The following SPATA6 variants were observed in gnomAD, a reference collection of about 807,000 sequenced individuals.
SPATA6 encodes the protein spermatogenesis associated 6.
SPATA6 carries 56 observed loss-of-function variants against 65.3 expected under a neutral mutation model. The ratio of observed to expected loss-of-function variants is 0.86; its 90% CI spans 0.69 to 1.07. The LOEUF is 1.07. Among genes scored for constraint, SPATA6 ranks in the 50% least tolerant of loss-of-function variants. The pLI, the probability that SPATA6 is intolerant of heterozygous loss-of-function variation, is 0.00. For missense variants in SPATA6, 590 were observed against 594.8 expected (o/e 0.99, Z 0.08); for synonymous variants, 199 against 213.2 (o/e 0.93, Z 0.58).
chr1:48,342,394 T>C (rs1646242810), intron 11 of SPATA6, among the ~76,000 whole-genome samples: 1 of 151,980 alleles, frequency 6.6e-6, no homozygotes, highest in South Asian at 2.1e-4. Context: ...GGCAGGTGGA[T>C]CACAAGGTCA....
chr1:48,454,290 A>AT (rs1395771287), intron 1 of SPATA6, among the ~76,000 whole-genome samples: 1 of 152,102 alleles, frequency 6.6e-6, no homozygotes, highest in Non-Finnish European at 1.5e-5. Context: ...CATTCAAAGT[A>AT]TATTTTTTAT....
chr1:48,286,768 G>T, the SPATA6 span, among the ~76,000 whole-genome samples: 1 of 152,090 alleles, frequency 6.6e-6, no homozygotes, highest in South Asian at 2.1e-4. Flanking sequence ...AGGCACAGTG[G>T]CTCACATCTG....
intron 3 of SPATA6, among the ~76,000 whole-genome samples, chr1:48,420,487 T>G (rs1653220721): frequency 6.6e-6 from 1 of 152,140 alleles, no homozygotes; most frequent in Non-Finnish European, 1.5e-5. Context: ...CCCCTCAATC[T>G]GTGGGATCTG....
intron 11 of SPATA6, among the ~76,000 whole-genome samples, chr1:48,355,186 T>A (rs1447874742): frequency 1.3e-5 from 2 of 152,152 alleles, no homozygotes; most frequent in Non-Finnish European, 2.9e-5. Context: ...TACAGATTTT[T>A]CCTAATGTTA....
intron 11 of SPATA6, among the ~76,000 whole-genome samples, chr1:48,329,231 G>T (rs1000350644): frequency 6.6e-6 from 1 of 152,152 alleles, no homozygotes. Context: ...AATATATTTT[G>T]AAGTGAATAA....
chr1:48,314,625 A>G (rs976039514), intron 11 of SPATA6, among the ~76,000 whole-genome samples: 1 of 152,212 alleles, frequency 6.6e-6, no homozygotes, highest in African/African-American at 2.4e-5. Flanking sequence ...CATCACAATT[A>G]AAAGAACTAC....
chr1:48,367,058 G>T (rs1233915043), intron 9 of SPATA6, among the ~76,000 whole-genome samples: 1 of 152,150 alleles, frequency 6.6e-6, no homozygotes, highest in South Asian at 2.1e-4. Context: ...TATGTACTCA[G>T]TAGTCATTCA....
At chr1:48,425,836 G>A in intron 3 of SPATA6, among the ~76,000 whole-genome samples, 1 of 151,726 alleles carries the variant, frequency 6.6e-6, no homozygotes, top group East Asian at 1.9e-4. Flanking sequence ...AAATCAAAAT[G>A]TAAAAGGTAA....
the SPATA6 span, among the ~76,000 whole-genome samples, chr1:48,272,407 T>G: frequency 6.6e-6 from 1 of 152,194 alleles, no homozygotes; most frequent in South Asian, 2.1e-4. Context: ...GTTTGACTAT[T>G]TGAGATTCTC....
At chr1:48,324,736 T>C (rs138579093) in intron 11 of SPATA6, among the ~76,000 whole-genome samples, 106 of 152,186 alleles carry the variant, frequency 7.0e-4, no homozygotes, top group East Asian at 3.1e-3. Context: ...ACAGCTAGTA[T>C]CATACCGAGT....
chr1:48,442,736 A>C (rs1055910608), intron 3 of SPATA6, among the ~76,000 whole-genome samples: 1 of 149,936 alleles, frequency 6.7e-6, no homozygotes, highest in South Asian at 2.1e-4. Context: ...AAAAAAAAAA[A>C]AAAAAAAAAC....
chr1:48,363,217 T>C (rs1353858306), intron 9 of SPATA6, among the ~76,000 whole-genome samples: 2 of 152,154 alleles, frequency 1.3e-5, no homozygotes, highest in Admixed American at 6.6e-5. Context: ...TAAGAATCCA[T>C]TTCAAACTTA....
At chr1:48,404,340 T>C (rs1651480454) in intron 5 of SPATA6, among the ~76,000 whole-genome samples, 1 of 152,168 alleles carries the variant, frequency 6.6e-6, no homozygotes, top group Non-Finnish European at 1.5e-5. Flanking sequence ...ATCATAAATA[T>C]ATACAATTAG....
chr1:48,316,363 C>T (rs1294827160), intron 11 of SPATA6, among the ~76,000 whole-genome samples: 1 of 152,074 alleles, frequency 6.6e-6, no homozygotes, highest in African/African-American at 2.4e-5. Flanking sequence ...GAACAGAGCC[C>T]TCAGAAATAA....
intron 11 of SPATA6, among the ~76,000 whole-genome samples, chr1:48,308,981 G>A (rs577547501): frequency 6.6e-6 from 1 of 152,138 alleles, no homozygotes; most frequent in Admixed American, 6.6e-5. Flanking sequence ...GAACTCCTGG[G>A]CTCAAGTGAT....
chr1:48,451,741 C>A (rs1656590847), intron 2 of SPATA6, 141 bp from the exon 3 acceptor site: 6 of 703,798 alleles, frequency 8.5e-6, no homozygotes, highest in African/African-American at 3.7e-5. Context: ...TCCTTCCCAT[C>A]ACTACAAAAG....
the SPATA6 span, among the ~76,000 whole-genome samples, chr1:48,270,600 A>T: frequency 6.6e-6 from 1 of 152,024 alleles, no homozygotes; most frequent in African/African-American, 2.4e-5. Flanking sequence ...CTACACAGAT[A>T]TGTTGTGAAA....
intron 12 of SPATA6, among the ~76,000 whole-genome samples, chr1:48,305,239 G>A (rs1428421571): frequency 6.6e-6 from 1 of 152,166 alleles, no homozygotes; most frequent in African/African-American, 2.4e-5. Context: ...GAAGGTGAAA[G>A]CTATATATTG....
intron 9 of SPATA6, among the ~76,000 whole-genome samples, chr1:48,360,532 C>T (rs951653746): frequency 1.3e-5 from 2 of 148,262 alleles, no homozygotes; most frequent in African/African-American, 4.8e-5. Flanking sequence ...AAAATAAATG[C>T]AAAGATCTTG....
Sources: allele counts gnomAD v4.1 joint callset (sites outside exome capture counted in the v4.1 genomes callset), GRCh38; gene constraint gnomAD v4.1.1; transcripts MANE v1.5; gene names NCBI Gene and HGNC (gene_info 2026-07-23, HGNC 2026-07-21).